Variants in QTMAN observed in about 807,000 individuals in gnomAD.
QTMAN encodes tRNA-queuosine alpha-mannosyltransferase.
chr2:144,089,113 C>T, the QTMAN span, among the ~76,000 whole-genome samples: 1 of 151,824 alleles, frequency 6.6e-6, no homozygotes, highest in Non-Finnish European at 1.5e-5. Flanking sequence ...AGCAACTCAA[C>T]AGGAAAAAAG....
chr2:144,098,409 G>C, the QTMAN span, among the ~76,000 whole-genome samples: 2 of 152,074 alleles, frequency 1.3e-5, no homozygotes, highest in African/African-American at 4.8e-5. Flanking sequence ...GTTTTTTAAA[G>C]TTCCTTTAAC....
the QTMAN span, among the ~76,000 whole-genome samples, chr2:143,982,092 TA>T: frequency 2.6e-5 from 4 of 152,226 alleles, no homozygotes; most frequent in Non-Finnish European, 4.4e-5. Flanking sequence ...AATATTCTAA[TA>T]ACATCACGTG....
the QTMAN span, among the ~76,000 whole-genome samples, chr2:144,179,629 C>T: frequency 1.3e-5 from 2 of 152,176 alleles, no homozygotes; most frequent in East Asian, 1.9e-4. Flanking sequence ...ACTATGATAC[C>T]GGGCTCACCT....
the QTMAN span, among the ~76,000 whole-genome samples, chr2:144,156,350 CA>C: frequency 6.6e-6 from 1 of 151,990 alleles, no homozygotes; most frequent in Non-Finnish European, 1.5e-5. Context: ...TAATTATAAA[CA>C]TCAAAACTAG....
chr2:144,263,210 A>G, the QTMAN span, among the ~76,000 whole-genome samples: 1 of 151,782 alleles, frequency 6.6e-6, no homozygotes, highest in African/African-American at 2.4e-5. Flanking sequence ...ACCTAACACA[A>G]TAAGATCTAA....
the QTMAN span, among the ~76,000 whole-genome samples, chr2:144,153,540 A>G: frequency 6.6e-6 from 1 of 151,914 alleles, no homozygotes; most frequent in East Asian, 1.9e-4. Context: ...AATACGAAAA[A>G]ATTTGCCAGG....
the QTMAN span, among the ~76,000 whole-genome samples, chr2:144,108,142 A>T: frequency 6.6e-6 from 1 of 152,322 alleles, no homozygotes; most frequent in African/African-American, 2.4e-5. Flanking sequence ...ACCCACAGCC[A>T]ATATCATACT....
At chr2:144,241,050 G>A in the QTMAN span, among the ~76,000 whole-genome samples, 13 of 152,158 alleles carry the variant, frequency 8.5e-5, no homozygotes, top group African/African-American at 2.9e-4. Context: ...ACACTACTCA[G>A]GGTGATTTCT....
At chr2:144,313,860 C>G in the QTMAN span, among the ~76,000 whole-genome samples, 1 of 151,300 alleles carries the variant, frequency 6.6e-6, no homozygotes, top group Non-Finnish European at 1.5e-5. Context: ...GGCTCTCTGG[C>G]TTTGTAAAAA....
the QTMAN span, among the ~76,000 whole-genome samples, chr2:144,276,685 T>C: frequency 3.9e-3 from 595 of 152,308 alleles, 3 homozygotes; most frequent in African/African-American, 0.014. Context: ...ATTTAGATAC[T>C]TCTTCAGGGA....
chr2:144,197,291 A>G, the QTMAN span, among the ~76,000 whole-genome samples: 4 of 149,338 alleles, frequency 2.7e-5, no homozygotes, highest in Non-Finnish European at 5.9e-5. Context: ...ACATGACTGT[A>G]TATTTGTGTG....
the QTMAN span, among the ~76,000 whole-genome samples, chr2:144,268,924 G>A: frequency 6.6e-6 from 1 of 152,080 alleles, no homozygotes; most frequent in African/African-American, 2.4e-5. Context: ...CGAGTAGCTG[G>A]GATTACAGGC....
At chr2:144,167,221 AG>A in the QTMAN span, among the ~76,000 whole-genome samples, 1 of 152,114 alleles carries the variant, frequency 6.6e-6, no homozygotes, top group Non-Finnish European at 1.5e-5. Flanking sequence ...AACTATCAGA[AG>A]GGTTTGTCTT....
At chr2:143,940,199 G>A in the QTMAN span, 1 of 152,166 alleles carries the variant, frequency 6.6e-6, no homozygotes, top group Non-Finnish European at 1.5e-5. Context: ...TGCCTTTCCT[G>A]GCAAGGACAG....
chr2:144,246,355 T>C, the QTMAN span, among the ~76,000 whole-genome samples: 20 of 150,592 alleles, frequency 1.3e-4, no homozygotes, highest in Non-Finnish European at 2.5e-4. Flanking sequence ...GGGTGGATCA[T>C]GAGGTCAGGA....
At chr2:144,173,868 A>G in the QTMAN span, among the ~76,000 whole-genome samples, 2 of 152,082 alleles carry the variant, frequency 1.3e-5, no homozygotes, top group African/African-American at 4.8e-5. Flanking sequence ...CTGGCTGTTG[A>G]AAGAGCCTGT....
At chr2:144,225,723 G>T in the QTMAN span, among the ~76,000 whole-genome samples, 1 of 152,170 alleles carries the variant, frequency 6.6e-6, no homozygotes, top group South Asian at 2.1e-4. Context: ...TCTCATCCGT[G>T]AAGACTTAGT....
At chr2:144,108,254 G>C in the QTMAN span, among the ~76,000 whole-genome samples, 15 of 152,162 alleles carry the variant, frequency 9.9e-5, no homozygotes, top group Non-Finnish European at 1.8e-4. Context: ...GTTCTGGCCA[G>C]GGCAATCAGG....
chr2:143,970,784 A>G, the QTMAN span: 1 of 1,276,856 alleles, frequency 7.8e-7, no homozygotes, highest in Non-Finnish European at 1.1e-6. Context: ...CACACAAAAT[A>G]TAACTTGTGT....
Sources: gnomAD v4.1 joint callset for allele counts (sites outside exome capture counted in the v4.1 genomes callset) on GRCh38, gnomAD v4.1.1 for gene constraint, MANE v1.5 for transcripts, NCBI Gene and HGNC (gene_info 2026-07-23, HGNC 2026-07-21) for gene names.